The following ABTB2 variants were observed in gnomAD, a reference collection of about 807,000 sequenced individuals.
ABTB2 encodes the protein ankyrin repeat and BTB domain containing 2.
Under a neutral mutation model 104.1 loss-of-function variants are expected in ABTB2, and 56 were observed. The observed-to-expected ratio is 0.54, with a 90% CI of 0.43 to 0.67. The LOEUF (loss-of-function observed/expected upper bound fraction) is 0.67. Ranked by LOEUF, ABTB2 falls within the 30% of genes least tolerant of loss-of-function variation. The pLI is 0.00. For synonymous variants in ABTB2, 606 were observed against 608.2 expected (o/e 1.00, Z 0.05); for missense variants, 1,279 against 1,407.7 (o/e 0.91, Z 1.46).
chr11:34,197,184 G>A (rs1444994703), intron 3 of ABTB2, 141 bp downstream of exon 3: 3 of 924,282 alleles, frequency 3.2e-6, no homozygotes, highest in Non-Finnish European at 5.1e-6. Context: ...GGAATTCCTG[G>A]GCCACCTCCT....
At chr11:34,185,593 T>A (rs1206019278) in intron 3 of ABTB2, among the ~76,000 whole-genome samples, 2 of 152,108 alleles carry the variant, frequency 1.3e-5, no homozygotes, top group Non-Finnish European at 2.9e-5. Flanking sequence ...AGAGGGTAGG[T>A]CACATGTCCA....
intron 1 of ABTB2, among the ~76,000 whole-genome samples, chr11:34,267,197 C>A (rs1854262970): frequency 3.3e-5 from 5 of 152,198 alleles, no homozygotes; most frequent in Admixed American, 3.3e-4. Flanking sequence ...TGAGGCCAGG[C>A]ATTCAAATTC....
chr11:34,277,619 C>CT (rs11431902), intron 1 of ABTB2, among the ~76,000 whole-genome samples: 148,877 of 148,886 alleles, frequency 1, 74,434 homozygotes, highest in Middle Eastern at 1. Flanking sequence ...CCCATCTCTA[C>CT]AAAAATCAAA....
At chr11:34,163,836 G>A (rs1358788562) in intron 9 of ABTB2, among the ~76,000 whole-genome samples, 1 of 152,240 alleles carries the variant, frequency 6.6e-6, no homozygotes, top group Non-Finnish European at 1.5e-5. Context: ...AGAGTGACAG[G>A]CAGATGAGCA....
At chr11:34,334,692 C>T (rs1019303318) in intron 1 of ABTB2, among the ~76,000 whole-genome samples, 1 of 152,106 alleles carries the variant, frequency 6.6e-6, no homozygotes. Context: ...ACCGTGTTTC[C>T]CATCCCCTCA....
chr11:34,168,818 C>T (rs555075645), intron 5 of ABTB2, among the ~76,000 whole-genome samples: 6 of 152,340 alleles, frequency 3.9e-5, no homozygotes, highest in South Asian at 2.1e-4. Flanking sequence ...TTGGCGGGGC[C>T]GCCTCCCTGG....
chr11:34,315,556 C>G (rs1158737267), intron 1 of ABTB2, among the ~76,000 whole-genome samples: 1 of 152,128 alleles, frequency 6.6e-6, no homozygotes, highest in Admixed American at 6.5e-5. Flanking sequence ...GGGATGTGTT[C>G]TGGGTTCCCA....
intron 1 of ABTB2, among the ~76,000 whole-genome samples, chr11:34,338,285 G>A (rs1855217112): frequency 3.3e-5 from 5 of 151,916 alleles, no homozygotes; most frequent in Admixed American, 3.3e-4. Flanking sequence ...GGAGGCTGAG[G>A]GAGGAGAATT....
intron 9 of ABTB2, among the ~76,000 whole-genome samples, chr11:34,164,271 AG>A (rs1852765184): frequency 6.6e-6 from 1 of 152,190 alleles, no homozygotes; most frequent in Non-Finnish European, 1.5e-5. Context: ...CACCTGGGGC[AG>A]GGTGCAATTT....
chr11:34,195,499 T>C (rs1170506209), intron 3 of ABTB2, among the ~76,000 whole-genome samples: 1 of 152,122 alleles, frequency 6.6e-6, no homozygotes, highest in Non-Finnish European at 1.5e-5. Flanking sequence ...CCCAGAGAAG[T>C]AAAACAATGA....
At chr11:34,302,728 A>G (rs760255107) in intron 1 of ABTB2, among the ~76,000 whole-genome samples, 1 of 152,180 alleles carries the variant, frequency 6.6e-6, no homozygotes, top group Non-Finnish European at 1.5e-5. Context: ...CTCCCTCCAG[A>G]CCACAACCTC....
At chr11:34,273,480 T>C (rs534734837) in intron 1 of ABTB2, among the ~76,000 whole-genome samples, 8 of 152,244 alleles carry the variant, frequency 5.3e-5, no homozygotes, top group African/African-American at 1.9e-4. Context: ...ACTTCTCCAC[T>C]GGACGAAGCC....
intron 1 of ABTB2, among the ~76,000 whole-genome samples, chr11:34,216,278 T>C (rs557631501): frequency 6.6e-6 from 1 of 152,350 alleles, no homozygotes; most frequent in South Asian, 2.1e-4. Flanking sequence ...CAGTTGATGA[T>C]GAGCAGGTAT....
rs940830640 is a variant in ABTB2, at chr11:34,151,122, C to T, written c.*1265G>A. 5.9e-5 allele frequency: 9 copies of T among 152,642 alleles called. No homozygotes were observed. Among genetic ancestry groups the T allele is most frequent in the African/African-American group, 2.2e-4 (9 of 41,460 alleles). The allele number at this position is 152,642 out of a possible 1,614,324, so 9.5% of individuals were successfully genotyped here. ...CTATTTCTTTGTACATCCAGCCAAG[C>T]AGCTAGTCAAAATATTTTCCAGAAT... On this transcript the variant is annotated 3_prime_UTR_variant, in exon 17 of 17. Transcript: ENST00000435224.
intron 1 of ABTB2, among the ~76,000 whole-genome samples, chr11:34,275,832 A>G (rs1235429637): frequency 6.6e-6 from 1 of 152,214 alleles, no homozygotes; most frequent in Non-Finnish European, 1.5e-5. Context: ...TCCCTATGAG[A>G]TAAAGCACTT....
intron 1 of ABTB2, among the ~76,000 whole-genome samples, chr11:34,254,932 T>A (rs370652055): frequency 6.6e-6 from 1 of 152,266 alleles, no homozygotes; most frequent in African/African-American, 2.4e-5. Flanking sequence ...CTCACACCTC[T>A]GAGATTACAG....
At chr11:34,245,404 T>A (rs1853973266) in intron 1 of ABTB2, among the ~76,000 whole-genome samples, 1 of 152,184 alleles carries the variant, frequency 6.6e-6, no homozygotes. Context: ...GGACCAGGTA[T>A]CCACTTCCGG....
chr11:34,203,551 A>G (rs891727959), intron 2 of ABTB2, among the ~76,000 whole-genome samples: 2 of 152,128 alleles, frequency 1.3e-5, no homozygotes. Flanking sequence ...GGACCCAGGC[A>G]ACAACATCCT....
At chr11:34,345,020 C>T (rs1282185092) in intron 1 of ABTB2, among the ~76,000 whole-genome samples, 1 of 152,158 alleles carries the variant, frequency 6.6e-6, no homozygotes, top group Non-Finnish European at 1.5e-5. Context: ...GGTCCCGCTG[C>T]GTCCACACTT....
Sources: gnomAD v4.1 joint callset for allele counts (sites outside exome capture counted in the v4.1 genomes callset) on GRCh38, gnomAD v4.1.1 for gene constraint, MANE v1.5 for transcripts, NCBI Gene and HGNC (gene_info 2026-07-23, HGNC 2026-07-21) for gene names.